CD55: variants seen among roughly 807,000 people sequenced by gnomAD.
The protein encoded by CD55 is CD55 molecule (Cromer blood group).
A neutral mutation model predicts 45.8 loss-of-function variants in CD55; 41 were observed. The observed-to-expected ratio is 0.90, with a 90% confidence interval of 0.70 to 1.16. The LOEUF (loss-of-function observed/expected upper bound fraction) is 1.16. Ranked by LOEUF, CD55 falls within the 50% of genes most tolerant of loss-of-function variation. CD55 has a pLI of 0.00. For synonymous variants in CD55, 181 were observed against 181.1 expected (o/e 1.00, Z 0.01); for missense variants, 416 against 469.8 (o/e 0.89, Z 1.06).
intron 9 of CD55, among the ~76,000 whole-genome samples, chr1:207,355,222 C>T (rs1202650316): frequency 6.6e-6 from 1 of 151,766 alleles, no homozygotes; most frequent in Admixed American, 6.6e-5. Flanking sequence ...GAGCCAAATA[C>T]ACTCATTAGT....
chr1:207,352,339 G>T (rs1045019409), intron 9 of CD55, among the ~76,000 whole-genome samples: 9 of 151,738 alleles, frequency 5.9e-5, no homozygotes, highest in Non-Finnish European at 1.0e-4. Flanking sequence ...CACATATACT[G>T]TAAATCAGTT....
At chr1:207,330,985 C>G (rs1654917265) in intron 5 of CD55, 123 bp from the exon 6 acceptor site, 3 of 772,136 alleles carry the variant, frequency 3.9e-6, no homozygotes, top group Non-Finnish European at 6.0e-6. Context: ...GTTGGTAATG[C>G]TGAATTTAGA....
rs1309959371 is a variant in CD55, at chr1:207,321,758, G to A, written c.-8G>A. ...CGGCGGCGCGTCCTTGTTCTAACCC[G>A]GCGCGCCATGACCGTCGCGCGGCCG... is the stretch of plus-strand genomic sequence containing the variant. On this transcript the variant is annotated 5_prime_UTR_variant, in exon 1 of 10. Transcript: ENST00000367064. 7 of 1,508,194 alleles carry A rather than the reference G, an allele frequency of 4.6e-6. No homozygotes were observed. The highest frequency in any genetic ancestry group is 2.5e-5 in the East Asian group (1 of 39,232). The allele number at this position is 1,508,194 out of a possible 1,614,324, so 93.4% of individuals were successfully genotyped here.
At chr1:207,326,882 C>A in intron 5 of CD55, 45 bp downstream of exon 5, 1 of 1,317,800 alleles carries the variant, frequency 7.6e-7, no homozygotes, top group Non-Finnish European at 1.1e-6. Context: ...AGGCTGAGTA[C>A]TCAATGATAA....
chr1:207,337,244 G>C (rs1655219749), intron 7 of CD55, 85 bp from the exon 8 acceptor site: 1 of 875,034 alleles, frequency 1.1e-6, no homozygotes, highest in Admixed American at 1.9e-5. Context: ...GAGTCCTTCA[G>C]CAGCACGTAA....
chr1:207,332,296 T>C (rs948576963), intron 6 of CD55, among the ~76,000 whole-genome samples: 5 of 152,154 alleles, frequency 3.3e-5, no homozygotes, highest in African/African-American at 1.2e-4. Context: ...TTGTTCTAGT[T>C]TGATTTTTTT....
intron 9 of CD55, among the ~76,000 whole-genome samples, chr1:207,359,307 C>G (rs1007108023): frequency 5.3e-5 from 8 of 151,964 alleles, no homozygotes; most frequent in Non-Finnish European, 7.4e-5. Flanking sequence ...AGCTTAGCCA[C>G]TGTTCAACTC....
intron 5 of CD55, among the ~76,000 whole-genome samples, chr1:207,327,254 C>T (rs1654726850): frequency 6.6e-6 from 1 of 152,152 alleles, no homozygotes; most frequent in African/African-American, 2.4e-5. Flanking sequence ...AGGCATTTAA[C>T]CAGGTCTCTT....
At chr1:207,356,050 T>C (rs1164846498) in intron 9 of CD55, among the ~76,000 whole-genome samples, 1 of 152,238 alleles carries the variant, frequency 6.6e-6, no homozygotes, top group African/African-American at 2.4e-5. Context: ...TGTAACTCAC[T>C]TCATAACCAG....
At position 207,355,612 on chromosome 1, in the gene CD55, A is replaced by G. The variant is rs1656048879; in HGVS notation, c.1082-3934A>G. On this transcript the variant is annotated intron_variant, in intron 9 of 9. Transcript: ENST00000367064. ...TAAATATAGTTTGCCCTCCAATCTC[A>G]GATGATAATAGTACAGGCATATTTC... 2.0e-5 allele frequency among the ~76,000 whole-genome samples: 3 copies of G among 152,338 alleles called. No homozygotes were observed. In the South Asian group the frequency reaches 6.2e-4, roughly 32 times the overall value.
At position 207,359,751 on chromosome 1, in the gene CD55, A is replaced by C; in HGVS notation, c.*141A>C. ...TCATTGTCTTTAAGATGTGTTAGGA[A>C]TGTCAACAGAGCAAGGAGAAAAAAG... is the stretch of plus-strand genomic sequence containing the variant. On this transcript the variant is annotated 3_prime_UTR_variant, in exon 10 of 10. Coordinates refer to ENST00000367064, the MANE Select transcript of CD55 (RefSeq NM_000574.5). The C allele has an allele frequency of 8.7e-7, 1 of 1,146,516 alleles. No individual in the cohort carries two copies. The highest frequency in any genetic ancestry group is 2.2e-5 in the South Asian group (1 of 46,286). 71.0% of individuals were successfully genotyped at this position (1,146,516 alleles called of 1,614,324 possible). A position where few individuals can be genotyped will look rare whatever the true frequency, so the allele number is the denominator to read the frequency against.
intron 6 of CD55, among the ~76,000 whole-genome samples, chr1:207,334,283 G>A (rs1507759): frequency 0.69 from 105,209 of 151,990 alleles, 36,877 homozygotes; most frequent in Middle Eastern, 0.83. Context: ...TTTATACCCA[G>A]TTAATATATC....
rs1412560634 is a variant in CD55, at chr1:207,360,719, G to T, written c.*1109G>T. On this transcript the variant is annotated 3_prime_UTR_variant, in exon 10 of 10. Transcript: ENST00000367064. ...TTACTTGTTACTGATTTACCTGAAG[G>T]CAATCTGATTAATTTCTAGGTTTTT... 6.6e-6 allele frequency: 1 copy of T among 151,978 alleles called. No homozygotes were observed. Among genetic ancestry groups the T allele is most frequent in the Non-Finnish European group, 1.5e-5 (1 of 67,980 alleles). 9.4% of individuals were successfully genotyped at this position (151,978 alleles called of 1,614,324 possible). A position where few individuals can be genotyped will look rare whatever the true frequency, so the allele number is the denominator to read the frequency against.
At position 207,337,340 on chromosome 1, in the gene CD55, A is replaced by G; in HGVS notation, c.991A>G (p.Thr331Ala). The G allele has an allele frequency of 6.2e-7, 1 of 1,606,338 alleles. No homozygotes were observed. Among genetic ancestry groups the G allele is most frequent in the Non-Finnish European group, 8.5e-7 (1 of 1,173,036 alleles). ...TTPNAQATRS[T>A]PVSRTTKHFH... ...TGCTCATATTACAGCAACACGGAGT[A>G]CACCTGTTTCCAGGACAACCAAGCA... is the stretch of plus-strand genomic sequence containing the variant. The change falls in exon 8 of 10, where the codon ACA becomes GCA. Residue 331 changes from threonine (T) to alanine (A), a missense_variant. Around this residue, in one of 3 missense-constraint regions of CD55, gnomAD observed 182 missense variants for 201.4 expected, o/e 0.90. Coordinates refer to ENST00000367064, the MANE Select transcript of CD55 (RefSeq NM_000574.5).
chr1:207,349,969 C>T (rs1655797450), intron 9 of CD55, among the ~76,000 whole-genome samples: 2 of 152,142 alleles, frequency 1.3e-5, no homozygotes, highest in Admixed American at 1.3e-4. Flanking sequence ...AGCTTTTGCT[C>T]ATTCAGTATG....
chr1:207,334,631 A>C (rs1445329609), intron 6 of CD55, among the ~76,000 whole-genome samples: 1 of 152,170 alleles, frequency 6.6e-6, no homozygotes, highest in Non-Finnish European at 1.5e-5. Flanking sequence ...GATAGTTTGC[A>C]TAATTGACTT....
chr1:207,324,635 C>T lies in CD55; in HGVS notation c.363C>T (p.Val121=), dbSNP rs370636091. Residue 121 remains valine (V), a synonymous_variant, in exon 3 of 10, where the codon GTC becomes GTT. Transcript: ENST00000367064. ...QPYITQNYFP[V]GTVVEYECRP... ...ATATCACTCAGAATTATTTTCCAGT[C>T]GGTACTGTTGTGGAATATGAGTGCC... is the stretch of plus-strand genomic sequence containing the variant. The T allele has an allele frequency of 5.6e-6, 9 of 1,611,678 alleles. No homozygotes were observed. The highest frequency in any genetic ancestry group is 4.5e-5 in the East Asian group (2 of 44,812).
chr1:207,323,157 G>A (rs1009890940), intron 2 of CD55, among the ~76,000 whole-genome samples: 3 of 149,526 alleles, frequency 2.0e-5, no homozygotes, highest in African/African-American at 7.4e-5. Flanking sequence ...ATATAAATTG[G>A]GATATATATA....
At chr1:207,330,249 G>A (rs1169384150) in intron 5 of CD55, among the ~76,000 whole-genome samples, 1 of 151,534 alleles carries the variant, frequency 6.6e-6, no homozygotes, top group East Asian at 1.9e-4. Flanking sequence ...ATTGATAAAT[G>A]TGCTAAGTAT....
Sources: gnomAD v4.1 joint callset for allele counts (sites outside exome capture counted in the v4.1 genomes callset) on GRCh38, gnomAD v4.1.1 for gene constraint, gnomAD v4.1.1 regional missense constraint, MANE v1.5 for transcripts, NCBI Gene and HGNC (gene_info 2026-07-23, HGNC 2026-07-21) for gene names.